Variants in BLTP1 observed in about 807,000 individuals in gnomAD.
BLTP1 encodes fragile site-associated protein.
chr4:122,262,148 T>TGTGTGTG, the BLTP1 span, among the ~76,000 whole-genome samples: 1 of 133,430 alleles, frequency 7.5e-6, no homozygotes, highest in South Asian at 2.9e-4. Flanking sequence ...TACAGATCCT[T>TGTGTGTG]TGTGTGTGTG....
At chr4:122,189,444 A>G in the BLTP1 span, 3 of 979,928 alleles carry the variant, frequency 3.1e-6, no homozygotes, top group East Asian at 1.1e-4. Context: ...ATTTATTTCA[A>G]GTTGATTAAA....
chr4:122,329,345 A>G, the BLTP1 span, among the ~76,000 whole-genome samples: 1 of 151,696 alleles, frequency 6.6e-6, no homozygotes. Flanking sequence ...CAGTTCTGTC[A>G]ATGTGACTTA....
chr4:122,330,175 G>A, the BLTP1 span, among the ~76,000 whole-genome samples: 1 of 151,900 alleles, frequency 6.6e-6, no homozygotes, highest in African/African-American at 2.4e-5. Flanking sequence ...TGTGAAAAAT[G>A]CTGCAGTGAA....
chr4:122,161,183 A>G, the BLTP1 span: 1 of 953,240 alleles, frequency 1.0e-6, no homozygotes, highest in Non-Finnish European at 1.2e-6. Flanking sequence ...CTTTAATATA[A>G]TGGTGTGAAG....
chr4:122,207,431 A>C, the BLTP1 span: 4 of 1,453,976 alleles, frequency 2.8e-6, no homozygotes, highest in Non-Finnish European at 3.6e-6. Flanking sequence ...ATTGGACTAA[A>C]ACTTAATTTT....
chr4:122,230,253 A>G, the BLTP1 span: 3 of 1,546,924 alleles, frequency 1.9e-6, no homozygotes, highest in Non-Finnish European at 2.7e-6. Flanking sequence ...TCCTGTTCAG[A>G]TGAAAAAAAC....
the BLTP1 span, chr4:122,185,971 TTGAGTAAAAAC>T: frequency 3.9e-6 from 5 of 1,278,754 alleles, no homozygotes; most frequent in Non-Finnish European, 5.3e-6. Context: ...ATAAAAATGT[TTGAGTAAAAAC>T]TTTGAAGTTC....
the BLTP1 span, among the ~76,000 whole-genome samples, chr4:122,223,642 A>T: frequency 1.3e-5 from 2 of 152,192 alleles, no homozygotes; most frequent in African/African-American, 4.8e-5. Context: ...CAAGAACAGG[A>T]TCAGATTTGT....
chr4:122,221,823 T>C, the BLTP1 span: 1 of 984,718 alleles, frequency 1.0e-6, no homozygotes, highest in Non-Finnish European at 1.2e-6. Flanking sequence ...GAAAGTCTTC[T>C]ATGGATGAGT....
chr4:122,288,998 C>A, the BLTP1 span: 1 of 1,359,866 alleles, frequency 7.4e-7, no homozygotes, highest in Non-Finnish European at 9.9e-7. Context: ...ATAATTATCT[C>A]TTTTTTCCTC....
the BLTP1 span, chr4:122,206,125 C>A: frequency 1.1e-6 from 1 of 905,500 alleles, no homozygotes; most frequent in Non-Finnish European, 1.3e-6. Context: ...TGGCAATGAA[C>A]AAATATGATT....
chr4:122,274,455 A>G, the BLTP1 span: 1 of 1,585,836 alleles, frequency 6.3e-7, no homozygotes, highest in African/African-American at 1.4e-5. Flanking sequence ...GTCAGTTTTT[A>G]TTTTCTTACA....
chr4:122,199,279 GT>G, the BLTP1 span: 1 of 1,550,908 alleles, frequency 6.4e-7, no homozygotes, highest in Non-Finnish European at 8.7e-7. Flanking sequence ...TTGAGTGGTG[GT>G]AGGAGTTGGT....
the BLTP1 span, chr4:122,346,139 A>G: frequency 2.8e-6 from 1 of 352,940 alleles, no homozygotes; most frequent in African/African-American, 2.2e-5. Flanking sequence ...AAGAGCACAT[A>G]CAACAGGAGT....
the BLTP1 span, chr4:122,226,974 A>T: frequency 7.9e-5 from 53 of 669,542 alleles, 1 homozygote; most frequent in Admixed American, 9.2e-4. Context: ...ATTATTTTTT[A>T]AATTCTTACC....
At chr4:122,343,965 T>C in the BLTP1 span, 2 of 913,694 alleles carry the variant, frequency 2.2e-6, no homozygotes, top group Non-Finnish European at 2.6e-6. Flanking sequence ...AGTGCATGGG[T>C]CACAATTGTT....
the BLTP1 span, chr4:122,207,517 T>TC: frequency 7.8e-6 from 11 of 1,404,032 alleles, no homozygotes; most frequent in Non-Finnish European, 7.5e-6. Flanking sequence ...TTTTCTTCTT[T>TC]TTTTTTTTTT....
the BLTP1 span, chr4:122,214,415 T>G: frequency 1.0e-6 from 1 of 970,374 alleles, no homozygotes; most frequent in Non-Finnish European, 1.2e-6. Context: ...TTTCTGGGGT[T>G]GTTTGGAATT....
the BLTP1 span, among the ~76,000 whole-genome samples, chr4:122,361,720 A>G: frequency 2.0e-5 from 3 of 152,218 alleles, no homozygotes; most frequent in African/African-American, 7.2e-5. Flanking sequence ...GAAATCTACT[A>G]AAATTAACCA....
Sources: gnomAD v4.1 joint callset for allele counts (sites outside exome capture counted in the v4.1 genomes callset) on GRCh38, gnomAD v4.1.1 for gene constraint, MANE v1.5 for transcripts, NCBI Gene and HGNC (gene_info 2026-07-23, HGNC 2026-07-21) for gene names.